The following BCOR variants were observed in gnomAD, a reference collection of about 807,000 sequenced individuals.
BCOR encodes BCL-6 corepressor.
BCOR carries 10 observed loss-of-function variants against 86.7 expected under a neutral mutation model. That is an observed-to-expected ratio of 0.12 (90% confidence interval 0.07 to 0.20). The LOEUF (loss-of-function observed/expected upper bound fraction) is 0.20. Among genes scored for constraint, BCOR ranks in the 10% least tolerant of loss-of-function variants. The probability of loss-of-function intolerance (pLI) is 1.00; values close to 1 mark genes in which losing one functional copy is unlikely to be tolerated. For synonymous variants in BCOR, 611 were observed against 609.0 expected, an observed-to-expected ratio of 1.00 and a Z score of -0.05; for missense variants, 1,259 against 1,452.1, an observed-to-expected ratio of 0.87 and a Z score of 2.16.
intron 1 of BCOR, among the ~76,000 whole-genome samples, chrX:40,094,576 G>T (rs1482096657): frequency 8.8e-6 from 1 of 113,471 alleles, no homozygotes; most frequent in East Asian, 2.8e-4. Context: ...ACTGGGCGGG[G>T]AGCACAGGCG....
intron 1 of BCOR, among the ~76,000 whole-genome samples, chrX:40,112,528 T>C (rs1349512743): frequency 3.6e-5 from 4 of 111,895 alleles, no homozygotes; most frequent in African/African-American, 6.5e-5. Context: ...GAGAAGTTAC[T>C]GAACATTCCT....
chrX:40,080,517 C>A (rs777884343), intron 1 of BCOR, among the ~76,000 whole-genome samples: 136 of 111,543 alleles, frequency 1.2e-3, no homozygotes, highest in African/African-American at 4.1e-3. Context: ...CCTCCCGGCA[C>A]CTTCTTGGGA....
chrX:40,062,495 C>A, intron 9 of BCOR, 102 bp from the exon 10 acceptor site: 1 of 1,015,872 alleles, frequency 9.8e-7, no homozygotes, highest in Non-Finnish European at 1.3e-6. Flanking sequence ...TGGAGAGAGG[C>A]ACTTTATTCC....
At chrX:40,071,213 C>T (rs1227235445) in intron 5 of BCOR, 54 bp from the exon 6 acceptor site, 2 of 1,113,291 alleles carry the variant, frequency 1.8e-6, no homozygotes, top group East Asian at 3.2e-5. Flanking sequence ...ACCATAAAAG[C>T]TATTTCATTT....
At chrX:40,062,021 C>T (rs1934899378) in intron 10 of BCOR, 118 bp downstream of exon 10, 4 of 954,629 alleles carry the variant, frequency 4.2e-6, no homozygotes, top group African/African-American at 3.9e-5. Context: ...GGAGCACCGG[C>T]CCAGCCCCGA....
chrX:40,051,265 C>G lies in BCOR; in HGVS notation c.*844G>C, dbSNP rs905187962. ...AGGTACTTCAATTTTCTCCTTTCCT[C>G]AACAGTTTTATTGCCTTTTAAGAAA... On this transcript the variant is annotated 3_prime_UTR_variant, in exon 15 of 15. Transcript: ENST00000378444. The G allele has an allele frequency of 2.5e-5, 4 of 162,688 alleles. No individual in the cohort carries two copies. Among genetic ancestry groups the G allele is most frequent in the African/African-American group, 1.2e-4 (4 of 33,423 alleles). The allele number at this position is 162,688 out of a possible 1,213,427, so 13.4% of individuals were successfully genotyped here. A position where few individuals can be genotyped will look rare whatever the true frequency, so the allele number is the denominator to read the frequency against.
At chrX:40,083,356 G>C (rs936068689) in intron 1 of BCOR, among the ~76,000 whole-genome samples, 2 of 111,047 alleles carry the variant, frequency 1.8e-5, no homozygotes, top group East Asian at 5.8e-4. Flanking sequence ...AGCCGGCCCA[G>C]GTGCTGCCTC....
intron 1 of BCOR, among the ~76,000 whole-genome samples, chrX:40,158,159 G>C (rs1051729859): frequency 8.9e-6 from 1 of 112,367 alleles, no homozygotes; most frequent in Middle Eastern, 4.2e-3. Flanking sequence ...GCCGGGGCCC[G>C]TCCAGGTAGG....
intron 1 of BCOR, among the ~76,000 whole-genome samples, chrX:40,090,240 G>A (rs988877985): frequency 8.8e-6 from 1 of 113,331 alleles, no homozygotes; most frequent in Non-Finnish European, 1.9e-5. Context: ...GTGCGACCGA[G>A]TGTGCAGGGG....
Position 40,054,567 on chromosome X carries a change from G to A in BCOR, c.4742-234C>T, listed in dbSNP as rs148116971. Among the ~76,000 whole-genome samples, 930 of 105,040 alleles carry A rather than the reference G, an allele frequency of 8.9e-3. 18 individuals are homozygous for A. The highest frequency in any genetic ancestry group is 0.031 in the African/African-American group (886 of 28,384). 91.2% of individuals were successfully genotyped at this position (105,040 alleles called of 115,157 possible). A position where few individuals can be genotyped will look rare whatever the true frequency, so the allele number is the denominator to read the frequency against. Reference sequence around the variant, plus strand: ...GGCTGGAGTGCAGTGGCACAATCTCGGCTCACTGCAGCCTCCACCCCTCCA... The same window carrying A: ...GGCTGGAGTGCAGTGGCACAATCTCAGCTCACTGCAGCCTCCACCCCTCCA... On this transcript the variant is annotated intron_variant, in intron 12 of 14. Coordinates refer to ENST00000378444, the MANE Select transcript of BCOR (RefSeq NM_001123385.2).
chrX:40,174,519 C>T (rs2091624301), intron 1 of BCOR, among the ~76,000 whole-genome samples: 2 of 112,863 alleles, frequency 1.8e-5, no homozygotes, highest in Non-Finnish European at 3.7e-5. Context: ...CCTCCCCGTA[C>T]CCAGCAGCGT....
chrX:40,157,522 A>T (rs1938322602), intron 1 of BCOR, among the ~76,000 whole-genome samples: 1 of 112,575 alleles, frequency 8.9e-6, no homozygotes, highest in Non-Finnish European at 1.9e-5. Context: ...CCAAAACAAA[A>T]CCAAAAAGTT....
chrX:40,084,976 T>C (rs779697734), intron 1 of BCOR, among the ~76,000 whole-genome samples: 5 of 111,497 alleles, frequency 4.5e-5, no homozygotes, highest in African/African-American at 1.6e-4. Flanking sequence ...TACTCAGTCA[T>C]GGAACTCAGA....
chrX:40,159,791 C>A (rs1440358926), intron 1 of BCOR, among the ~76,000 whole-genome samples: 1 of 112,009 alleles, frequency 8.9e-6, no homozygotes, highest in Non-Finnish European at 1.9e-5. Flanking sequence ...AAGATTTGGA[C>A]ATGCAGAAAA....
chrX:40,077,068 A>G (rs1336087874), intron 2 of BCOR: 4 of 252,857 alleles, frequency 1.6e-5, no homozygotes, highest in Non-Finnish European at 2.9e-5. Context: ...TAAAAAAGCC[A>G]TATTTGACTG....
At chrX:40,059,471 C>G (rs185651292) in intron 10 of BCOR, among the ~76,000 whole-genome samples, 2 of 112,500 alleles carry the variant, frequency 1.8e-5, no homozygotes, top group African/African-American at 3.2e-5. Context: ...CAGCCATGAC[C>G]GGCATCCCTT....
rs766725549 is a variant in BCOR at position 40,064,314 on chromosome X, G to A, written c.3502+22C>T. The A allele has an allele frequency of 9.9e-5, 120 of 1,210,802 alleles. No individual in the cohort carries two copies. In the Admixed American group the frequency reaches 1.3e-3, roughly 13 times the overall value. ...TGCAAAGGCCCACCCCCCGGCAGGC[G>A]GGCGAAGCAGACAGGGCTCACCTTT... is the stretch of plus-strand genomic sequence containing the variant. On this transcript the variant is annotated intron_variant, in intron 7 of 14. Transcript: ENST00000378444.
rs372301363 is a variant in BCOR, at chrX:40,052,623, G to A, written c.4977-223C>T. Among the ~76,000 whole-genome samples, 4 of 97,383 alleles carry A rather than the reference G, an allele frequency of 4.1e-5. No individual in the cohort carries two copies. The East Asian group carries it at 9.7e-4, about 24-fold the overall frequency. The allele number at this position is 97,383 out of a possible 115,157, so 84.6% of individuals were successfully genotyped here. On this transcript the variant is annotated intron_variant, in intron 14 of 14. Coordinates refer to ENST00000378444, the MANE Select transcript of BCOR (RefSeq NM_001123385.2). ...TCTGTCGCCCAGGCTGGAGTGCAGT[G>A]GCGCGATCTCAGCTCACTGCAAGTT... is the stretch of plus-strand genomic sequence containing the variant.
intron 1 of BCOR, among the ~76,000 whole-genome samples, chrX:40,155,209 T>C (rs1273084613): frequency 8.9e-6 from 1 of 112,813 alleles, no homozygotes; most frequent in Admixed American, 9.2e-5. Flanking sequence ...TGCAATCAGT[T>C]TCCGAAAGGT....
Sources: allele counts gnomAD v4.1 joint callset (sites outside exome capture counted in the v4.1 genomes callset), GRCh38; gene constraint gnomAD v4.1.1; transcripts MANE v1.5; gene names NCBI Gene and HGNC (gene_info 2026-07-23, HGNC 2026-07-21).